RCAN3: variants seen among roughly 807,000 people sequenced by gnomAD.
RCAN3 encodes the protein calcipressin-3.
A neutral mutation model predicts 21.9 loss-of-function variants in RCAN3; 19 were observed. That is an observed-to-expected ratio of 0.87 (90% CI 0.61 to 1.27). RCAN3 has a LOEUF of 1.27. Among genes scored for constraint, RCAN3 ranks in the 50% most tolerant of loss-of-function variants. The pLI is 0.00. For synonymous variants in RCAN3, 114 were observed against 112.3 expected (o/e 1.01, Z -0.09); for missense variants, 240 against 300.1 (o/e 0.80, Z 1.48).
At chr1:24,510,084 A>G (rs1647754302) in intron 1 of RCAN3, among the ~76,000 whole-genome samples, 1 of 152,240 alleles carries the variant, frequency 6.6e-6, no homozygotes, top group Non-Finnish European at 1.5e-5. Context: ...TAAAACGTAC[A>G]GTAAACCATG....
chr1:24,516,002 G>A lies in RCAN3; in HGVS notation c.195+1435G>A, dbSNP rs1648286858. Among the ~76,000 whole-genome samples the A allele has an allele frequency of 2.6e-5, 4 of 152,214 alleles. No individual in the cohort carries two copies. The South Asian group carries it at 8.3e-4, about 32-fold the overall frequency. On this transcript the variant is annotated intron_variant, in intron 2 of 4. Transcript: ENST00000374395. The stretch of plus-strand genomic sequence containing the variant: ...TACTAAAAATACAAAAATTAGCTGG[G>A]CGTGGTGGCAGGTGCCTGTAATCCC...
rs1249332969 is a variant in RCAN3, at chr1:24,539,368, AGTTTT to A, written c.*4095_*4099del. On this transcript the variant is annotated 3_prime_UTR_variant, in exon 5 of 5. Coordinates refer to ENST00000374395, the MANE Select transcript of RCAN3 (RefSeq NM_013441.4). ...ATGAATTTGATGTCCCATGTTTTGT[AGTTTT>A]GTTATCATTGAACCATTGGGGCTGG... The A allele has an allele frequency of 3.3e-5, 5 of 152,122 alleles. No homozygotes were observed. Among genetic ancestry groups the A allele is most frequent in the Non-Finnish European group, 7.4e-5 (5 of 68,016 alleles). The allele number at this position is 152,122 out of a possible 1,614,324, so 9.4% of individuals were successfully genotyped here. A position where few individuals can be genotyped will look rare whatever the true frequency, so the allele number is the denominator to read the frequency against.
At chr1:24,528,200 G>T (rs1186495893) in intron 2 of RCAN3, among the ~76,000 whole-genome samples, 2 of 145,964 alleles carry the variant, frequency 1.4e-5, no homozygotes, top group Non-Finnish European at 3.0e-5. Flanking sequence ...TCTTTCATGG[G>T]AATTTCATTC....
chr1:24,505,514 C>T (rs1270005832), intron 1 of RCAN3, among the ~76,000 whole-genome samples: 1 of 152,120 alleles, frequency 6.6e-6, no homozygotes, highest in African/African-American at 2.4e-5. Flanking sequence ...TGAGCCACCA[C>T]ACCAGTCCAA....
intron 2 of RCAN3, among the ~76,000 whole-genome samples, chr1:24,518,862 C>T (rs1323571847): frequency 6.6e-6 from 1 of 152,088 alleles, no homozygotes; most frequent in East Asian, 1.9e-4. Context: ...CAACCTCTGC[C>T]TCCCGGGTTC....
At chr1:24,524,710 G>T (rs78361084) in intron 2 of RCAN3, among the ~76,000 whole-genome samples, 1 of 152,068 alleles carries the variant, frequency 6.6e-6, no homozygotes, top group African/African-American at 2.4e-5. Context: ...ACAGAAAGAC[G>T]TAGAATATAA....
chr1:24,506,475 T>G (rs938168890), intron 1 of RCAN3, among the ~76,000 whole-genome samples: 3 of 152,192 alleles, frequency 2.0e-5, no homozygotes, highest in African/African-American at 7.2e-5. Context: ...TCCTATGGGT[T>G]ATATAAGAAA....
chr1:24,531,399 A>G lies in RCAN3; in HGVS notation c.369+8A>G. 1 of 1,595,804 alleles carries G rather than the reference A, an allele frequency of 6.3e-7. No individual in the cohort carries two copies. Among genetic ancestry groups the G allele is most frequent in the Non-Finnish European group, 8.5e-7 (1 of 1,170,608 alleles). ...AAGCTATATTTTGCACAGGTACTTC[A>G]CCGTGCAGAGAACACTGTTCTCTAA... On this transcript the variant is annotated splice_region_variant and intron_variant, in intron 3 of 4. Transcript: ENST00000374395.
chr1:24,511,184 G>A (rs1257044629), intron 1 of RCAN3, among the ~76,000 whole-genome samples: 3 of 152,140 alleles, frequency 2.0e-5, no homozygotes, highest in Non-Finnish European at 4.4e-5. Flanking sequence ...ATGGTGGCGT[G>A]TACCTGTAGT....
rs764194104 is a variant in RCAN3 at position 24,531,292 on chromosome 1, C to T, written c.270C>T (p.Val90=). ...TFQLFKSFRR[V]RINFSKPEAA... ...AGCTGTTTAAAAGCTTTAGAAGAGT[C>T]AGAATAAATTTCAGCAAACCTGAAG... Residue 90 remains valine (V), a synonymous_variant, in exon 3 of 5, where the codon GTC becomes GTT. Coordinates refer to ENST00000374395, the MANE Select transcript of RCAN3 (RefSeq NM_013441.4). 3 of 1,613,510 alleles carry T rather than the reference C, an allele frequency of 1.9e-6. No individual in the cohort carries two copies. The highest frequency in any genetic ancestry group is 1.7e-5 in the Admixed American group (1 of 59,960).
chr1:24,505,730 G>A (rs910676493), intron 1 of RCAN3, among the ~76,000 whole-genome samples: 2 of 152,164 alleles, frequency 1.3e-5, no homozygotes, highest in African/African-American at 4.8e-5. Flanking sequence ...TGGAGCACTT[G>A]TTTGCTTCCA....
intron 2 of RCAN3, among the ~76,000 whole-genome samples, chr1:24,515,012 C>T (rs568568201): frequency 6.6e-5 from 10 of 152,042 alleles, no homozygotes; most frequent in African/African-American, 2.2e-4. Context: ...TAGATGTTGC[C>T]GCAGAATTTT....
intron 2 of RCAN3, 36 bp downstream of exon 2, chr1:24,514,603 C>T: frequency 6.3e-7 from 1 of 1,576,818 alleles, no homozygotes; most frequent in Non-Finnish European, 8.7e-7. Context: ...ACATTTGTAG[C>T]ATGTTAAATG....
At chr1:24,512,543 T>TTACTTCTTTAC (rs1004545471) in intron 1 of RCAN3, among the ~76,000 whole-genome samples, 1 of 152,116 alleles carries the variant, frequency 6.6e-6, no homozygotes, top group Non-Finnish European at 1.5e-5. Context: ...AGTAAAGATT[T>TTACTTCTTTAC]TACTTCTTAG....
chr1:24,533,597 C>T (rs868232147), intron 4 of RCAN3, among the ~76,000 whole-genome samples: 15 of 152,174 alleles, frequency 9.9e-5, no homozygotes, highest in Middle Eastern at 3.4e-3. Context: ...GTCAGGAGTT[C>T]GAGACCAACC....
intron 3 of RCAN3, among the ~76,000 whole-genome samples, chr1:24,532,098 G>A (rs769060936): frequency 2.0e-4 from 31 of 151,994 alleles, no homozygotes; most frequent in South Asian, 1.2e-3. Flanking sequence ...ATGTCTTGAC[G>A]TTTCTTGGTA....
At chr1:24,533,015 A>T (rs996668309) in intron 3 of RCAN3, 68 bp from the exon 4 acceptor site, 1 of 1,121,436 alleles carries the variant, frequency 8.9e-7, no homozygotes, top group Non-Finnish European at 1.2e-6. Flanking sequence ...AACAGTCAAC[A>T]TAAAGGTGAA....
chr1:24,524,955 G>A (rs1415243734), intron 2 of RCAN3, among the ~76,000 whole-genome samples: 1 of 149,038 alleles, frequency 6.7e-6, no homozygotes, highest in East Asian at 2.0e-4. Context: ...TCAGTCTCCC[G>A]TCCTCCCACT....
chr1:24,533,350 A>T, intron 4 of RCAN3, 96 bp downstream of exon 4: 1 of 1,018,046 alleles, frequency 9.8e-7, no homozygotes, highest in Non-Finnish European at 1.4e-6. Flanking sequence ...TGATTAGAGC[A>T]GAGGATAAAG....
Sources: allele counts gnomAD v4.1 joint callset (sites outside exome capture counted in the v4.1 genomes callset), GRCh38; gene constraint gnomAD v4.1.1; transcripts MANE v1.5; gene names NCBI Gene and HGNC (gene_info 2026-07-23, HGNC 2026-07-21).